MATN2: variants seen among roughly 807,000 people sequenced by gnomAD.
The protein encoded by MATN2 is matrilin 2.
Under a neutral mutation model 103.2 loss-of-function variants are expected in MATN2, and 69 were observed. The ratio of observed to expected loss-of-function variants is 0.67; its 90% CI spans 0.55 to 0.82. The LOEUF (loss-of-function observed/expected upper bound fraction) is 0.82. MATN2 is among the 40% of genes least tolerant of loss of function. The probability of loss-of-function intolerance (pLI) is 0.00; values close to 1 mark genes in which losing one functional copy is unlikely to be tolerated. For synonymous variants in MATN2, 429 were observed against 450.2 expected, an observed-to-expected ratio of 0.95 and a Z score of 0.60; for missense variants, 1,023 against 1,211.5, an observed-to-expected ratio of 0.84 and a Z score of 2.31.
chr8:97,915,781 C>T (rs1809606461), intron 2 of MATN2, among the ~76,000 whole-genome samples: 1 of 152,180 alleles, frequency 6.6e-6, no homozygotes, highest in African/African-American at 2.4e-5. Context: ...TCCTATGCTG[C>T]TTTTTACTTT....
chr8:97,951,823 C>T (rs1181159623), intron 4 of MATN2, among the ~76,000 whole-genome samples: 1 of 152,170 alleles, frequency 6.6e-6, no homozygotes, highest in Admixed American at 6.5e-5. Context: ...CCCCTTCCTC[C>T]TTTTCCCTTC....
chr8:98,006,348 T>C (rs1023716268), intron 8 of MATN2, among the ~76,000 whole-genome samples: 3 of 152,240 alleles, frequency 2.0e-5, no homozygotes, highest in African/African-American at 7.2e-5. Context: ...TTGATAATAA[T>C]AGTGTGTTCA....
Position 97,888,182 on chromosome 8 carries a change from C to T in MATN2, c.82C>T (p.Arg28Cys), listed in dbSNP as rs200041053. Residue 28 changes from arginine (R) to cysteine (C), a missense_variant, in exon 2 of 19, where the codon CGT becomes TGT. By Grantham distance (180) the Arg-to-Cys change is radical (BLOSUM62 -3). Coordinates refer to ENST00000254898, the MANE Select transcript of MATN2 (RefSeq NM_002380.5). Reference protein sequence around the residue: ...LLPAEARERSRGRSISRGRHA... With the variant: ...LLPAEARERSCGRSISRGRHA... ...CCCTGCCGAGGCCAGGGAGCGGTCA[C>T]GTGGGAGGTCCATCTCTAGGGGCAG... The T allele has an allele frequency of 6.7e-5, 108 of 1,605,584 alleles. No individual in the cohort carries two copies. The East Asian group carries it at 1.8e-3, about 26-fold the overall frequency.
intron 4 of MATN2, among the ~76,000 whole-genome samples, chr8:97,956,832 C>A (rs28504529): frequency 0.019 from 2,937 of 152,288 alleles, 90 homozygotes; most frequent in African/African-American, 0.067. Flanking sequence ...CCATCTCAGT[C>A]ATCTTCTGAG....
At chr8:97,976,451 T>A (rs1811840209) in intron 5 of MATN2, among the ~76,000 whole-genome samples, 1 of 152,256 alleles carries the variant, frequency 6.6e-6, no homozygotes, top group South Asian at 2.1e-4. Context: ...AGAATAAACG[T>A]AACACAGGTT....
At chr8:97,996,066 C>T (rs1812574774) in intron 7 of MATN2, among the ~76,000 whole-genome samples, 1 of 152,166 alleles carries the variant, frequency 6.6e-6, no homozygotes, top group African/African-American at 2.4e-5. Context: ...CCCAGGTGGA[C>T]TCAAATTTGC....
At chr8:97,964,884 C>G (rs1227986822) in intron 5 of MATN2, among the ~76,000 whole-genome samples, 1 of 152,046 alleles carries the variant, frequency 6.6e-6, no homozygotes, top group East Asian at 1.9e-4. Context: ...CAGGTGCATA[C>G]CACACGTCTG....
Position 97,893,087 on chromosome 8 carries a change from A to G in MATN2, c.142+4845A>G, listed in dbSNP as rs373025644. Among the ~76,000 whole-genome samples the G allele has an allele frequency of 2.0e-4, 30 of 152,212 alleles. No individual in the cohort carries two copies. The South Asian group carries it at 5.6e-3, about 28-fold the overall frequency. ...AGGGGTAGGAGCTGTGGAGGGCTTT[A>G]AGCAGTCAACAGTGGGTGTCGCTTT... On this transcript the variant is annotated intron_variant, in intron 2 of 18. Transcript: ENST00000254898.
At chr8:98,017,863 G>T in intron 11 of MATN2, 131 bp from the exon 12 acceptor site, 2 of 949,826 alleles carry the variant, frequency 2.1e-6, no homozygotes, top group Non-Finnish European at 3.3e-6. Context: ...GTAACTTCCT[G>T]CCCCATGGAC....
intron 6 of MATN2, among the ~76,000 whole-genome samples, chr8:97,981,248 G>GT (rs1279642760): frequency 6.6e-6 from 1 of 151,280 alleles, no homozygotes. Context: ...TTATCATTAT[G>GT]TTTTTTTAGA....
At chr8:97,978,571 A>G (rs1160349968) in intron 5 of MATN2, among the ~76,000 whole-genome samples, 1 of 152,114 alleles carries the variant, frequency 6.6e-6, no homozygotes, top group African/African-American at 2.4e-5. Context: ...GTTTTATCTC[A>G]TCTTATTTTT....
chr8:98,012,019 C>T lies in MATN2; in HGVS notation c.1573+4418C>T, dbSNP rs1054357620. Among the ~76,000 whole-genome samples the T allele has an allele frequency of 2.6e-5, 4 of 152,182 alleles. No homozygotes were observed. In the East Asian group the frequency reaches 7.7e-4, roughly 29 times the overall value. ...CCTTATGTGTAAAAGGAGGAGAATC[C>T]TTCTTTGAGAGGAAAAATGTTTTCT... On this transcript the variant is annotated intron_variant, in intron 10 of 18. Transcript: ENST00000254898.
intron 5 of MATN2, among the ~76,000 whole-genome samples, chr8:97,966,547 C>G (rs971010785): frequency 2.1e-5 from 3 of 142,030 alleles, no homozygotes; most frequent in African/African-American, 7.8e-5. Flanking sequence ...GCCTGGGCAA[C>G]AGAGTAAGAC....
intron 12 of MATN2, among the ~76,000 whole-genome samples, chr8:98,019,959 T>C (rs900645250): frequency 2.0e-5 from 3 of 152,176 alleles, no homozygotes; most frequent in Non-Finnish European, 4.4e-5. Flanking sequence ...GAGGGACTCC[T>C]ACCTTTAGCA....
rs1291735885 is a variant in MATN2 at position 98,005,201 on chromosome 8, GCTTT to G, written c.1327+1421_1327+1424del. 1.3e-5 allele frequency among the ~76,000 whole-genome samples: 2 copies of G among 152,224 alleles called. No homozygotes were observed. Among genetic ancestry groups the G allele is most frequent in the East Asian group, 1.9e-4 (1 of 5,200 alleles). On this transcript the variant is annotated intron_variant, in intron 8 of 18. Coordinates refer to ENST00000254898, the MANE Select transcript of MATN2 (RefSeq NM_002380.5). The surrounding 1 kb of genome is among the most constrained non-coding windows in gnomAD (Gnocchi z 4.6). ...AGAGAGAACAAAGTGCCCGGTAAAG[GCTTT>G]CTAAGGACTGATCTCAGAGGCCAAA...
At chr8:97,953,411 C>T (rs971652360) in intron 4 of MATN2, among the ~76,000 whole-genome samples, 4 of 152,138 alleles carry the variant, frequency 2.6e-5, no homozygotes, top group African/African-American at 4.8e-5. Context: ...GAGGCCAGGG[C>T]GGGTAGATCG....
chr8:97,943,423 C>A lies in MATN2; in HGVS notation c.835+1524C>A, dbSNP rs370897268. 4.7e-4 allele frequency among the ~76,000 whole-genome samples: 71 copies of A among 151,690 alleles called. 1 individual carries two copies. Among genetic ancestry groups the A allele is most frequent in the Middle Eastern group, 3.4e-3 (1 of 294 alleles). ...TCTCTGTCTCCTTCTCCTTCTCCTT[C>A]TCCTTCTCCTTCTCCTCCTCCTCCA... On this transcript the variant is annotated intron_variant, in intron 4 of 18. Coordinates refer to ENST00000254898, the MANE Select transcript of MATN2 (RefSeq NM_002380.5).
chr8:97,977,598 G>T (rs1811883654), intron 5 of MATN2, among the ~76,000 whole-genome samples: 1 of 151,912 alleles, frequency 6.6e-6, no homozygotes, highest in Admixed American at 6.6e-5. Context: ...TTTCTTACTG[G>T]TTTTCTACTC....
At chr8:98,014,746 A>G (rs1488395953) in intron 10 of MATN2, among the ~76,000 whole-genome samples, 1 of 152,238 alleles carries the variant, frequency 6.6e-6, no homozygotes, top group Non-Finnish European at 1.5e-5. Context: ...GTGAGTGAGA[A>G]TAACAACAGC....
Sources: allele counts gnomAD v4.1 joint callset (sites outside exome capture counted in the v4.1 genomes callset), GRCh38; gene constraint gnomAD v4.1.1; non-coding constraint Gnocchi (gnomAD v3.1); transcripts MANE v1.5; gene names NCBI Gene and HGNC (gene_info 2026-07-23, HGNC 2026-07-21).